The following LRRTM4 variants were observed in gnomAD, a reference collection of about 807,000 sequenced individuals.
The protein encoded by LRRTM4 is leucine rich repeat transmembrane neuronal 4, also known as leucine-rich repeat transmembrane neuronal protein 4.
In LRRTM4, 25 loss-of-function variants were observed where a neutral mutation model predicts 47.6. The ratio of observed to expected loss-of-function variants is 0.53; its 90% confidence interval spans 0.38 to 0.73. The LOEUF (loss-of-function observed/expected upper bound fraction) is 0.73, where lower values mean the gene tolerates loss of function less well. Among genes scored for constraint, LRRTM4 ranks in the 30% least tolerant of loss-of-function variants. The pLI, the probability that LRRTM4 is intolerant of heterozygous loss-of-function variation, is 0.00. For synonymous variants in LRRTM4, 311 were observed against 269.5 expected, an observed-to-expected ratio of 1.15 and a Z score of -1.51; for missense variants, 638 against 713.4, an observed-to-expected ratio of 0.89 and a Z score of 1.20.
chr2:76,819,259 G>C (rs1478712565), intron 3 of LRRTM4, among the ~76,000 whole-genome samples: 1 of 151,538 alleles, frequency 6.6e-6, no homozygotes, highest in African/African-American at 2.4e-5. Context: ...AAAAATATAT[G>C]AGACAGATGT....
intron 3 of LRRTM4, among the ~76,000 whole-genome samples, chr2:77,069,426 T>C (rs193279106): frequency 0.046 from 7,030 of 151,762 alleles, 191 homozygotes; most frequent in South Asian, 0.081. Flanking sequence ...TGTGTGTGTG[T>C]GTGTGTGTGT....
At chr2:76,836,436 C>T (rs778739069) in intron 3 of LRRTM4, among the ~76,000 whole-genome samples, 2 of 151,756 alleles carry the variant, frequency 1.3e-5, no homozygotes, top group African/African-American at 4.8e-5. Context: ...ATTTCCACTC[C>T]GGGCATTTTT....
chr2:76,921,053 C>G (rs1674418286), intron 3 of LRRTM4, among the ~76,000 whole-genome samples: 1 of 152,018 alleles, frequency 6.6e-6, no homozygotes, highest in Admixed American at 6.6e-5. Context: ...TTATTATGAA[C>G]TTAACTTTAC....
chr2:77,387,932 C>G (rs574853789), intron 3 of LRRTM4, among the ~76,000 whole-genome samples: 29 of 152,004 alleles, frequency 1.9e-4, no homozygotes, highest in African/African-American at 6.8e-4. Context: ...AAAAATTGAT[C>G]AGGATATTTA....
chr2:76,895,894 C>T (rs540604336), intron 3 of LRRTM4, among the ~76,000 whole-genome samples: 45 of 152,140 alleles, frequency 3.0e-4, no homozygotes, highest in African/African-American at 1.0e-3. Flanking sequence ...TTTTCAATAA[C>T]ATATGGGCTT....
chr2:77,322,685 C>A (rs1442816221), intron 3 of LRRTM4, among the ~76,000 whole-genome samples: 2 of 151,152 alleles, frequency 1.3e-5, no homozygotes, highest in African/African-American at 4.9e-5. Context: ...AGTAAGCGAT[C>A]CTCATCAAAC....
intron 3 of LRRTM4, among the ~76,000 whole-genome samples, chr2:77,157,992 G>A (rs900687647): frequency 5.9e-5 from 9 of 152,086 alleles, no homozygotes; most frequent in African/African-American, 1.7e-4. Flanking sequence ...TTCAAAAGGC[G>A]TCAAGTTAAC....
chr2:77,120,531 G>T lies in LRRTM4; in HGVS notation c.1552-371615C>A, dbSNP rs72807273. Among the ~76,000 whole-genome samples, 10 of 151,810 alleles carry T rather than the reference G, an allele frequency of 6.6e-5. No individual in the cohort carries two copies. The East Asian group carries it at 1.7e-3, about 26-fold the overall frequency. ...GAAATATTATAATAGTCATTTTAAA[G>T]AATTCAGAAATAAGCTACATAAGGT... On this transcript the variant is annotated intron_variant, in intron 3 of 3. Transcript: ENST00000409884.
chr2:76,846,526 T>A (rs1573203796), intron 3 of LRRTM4, among the ~76,000 whole-genome samples: 1 of 152,206 alleles, frequency 6.6e-6, no homozygotes, highest in Admixed American at 6.6e-5. Context: ...TACCCAAGTA[T>A]CATCTAGCTA....
At chr2:76,751,547 C>T (rs1456609809) in intron 3 of LRRTM4, among the ~76,000 whole-genome samples, 6 of 151,996 alleles carry the variant, frequency 3.9e-5, no homozygotes, top group Non-Finnish European at 7.4e-5. Flanking sequence ...GTGACATGGC[C>T]GAATTACTAG....
intron 3 of LRRTM4, among the ~76,000 whole-genome samples, chr2:77,036,171 G>T (rs1230125325): frequency 6.6e-6 from 1 of 151,782 alleles, no homozygotes; most frequent in East Asian, 1.9e-4. Context: ...AAGCATTATG[G>T]TGGAATGAGG....
intron 3 of LRRTM4, among the ~76,000 whole-genome samples, chr2:77,296,032 G>A (rs1195733588): frequency 6.6e-6 from 1 of 152,084 alleles, no homozygotes; most frequent in Non-Finnish European, 1.5e-5. Context: ...GCAAATATCT[G>A]AGTAGTTAAT....
intron 3 of LRRTM4, among the ~76,000 whole-genome samples, chr2:76,910,883 G>C (rs78880422): frequency 2.0e-5 from 3 of 152,034 alleles, no homozygotes; most frequent in Non-Finnish European, 4.4e-5. Context: ...TGCATTCTGC[G>C]TCTGTACTAA....
intron 3 of LRRTM4, among the ~76,000 whole-genome samples, chr2:77,225,062 T>C (rs2103957965): frequency 6.6e-6 from 1 of 151,822 alleles, no homozygotes; most frequent in Middle Eastern, 3.4e-3. Context: ...ATGCCCTTTG[T>C]AGGGACATGG....
Position 77,479,932 on chromosome 2 carries a change from T to C in LRRTM4, c.1551+38386A>G, listed in dbSNP as rs529815297. ...AAGGTTAAATGTCTAGGTAAAAATA[T>C]ATTTCAAATAATACTTTACATATGA... On this transcript the variant is annotated intron_variant, in intron 3 of 3. Coordinates refer to ENST00000409884, the MANE Select transcript of LRRTM4 (RefSeq NM_001134745.3). 1.1e-4 allele frequency among the ~76,000 whole-genome samples: 16 copies of C among 152,306 alleles called. No individual in the cohort carries two copies. In the South Asian group the frequency reaches 3.1e-3, roughly 30 times the overall value.
At chr2:77,194,703 T>G (rs1170684288) in intron 3 of LRRTM4, among the ~76,000 whole-genome samples, 1 of 152,206 alleles carries the variant, frequency 6.6e-6, no homozygotes, top group East Asian at 1.9e-4. Flanking sequence ...ACACCTCTTA[T>G]TAGCAGACTC....
rs371737082 is a variant in LRRTM4, at chr2:77,287,330, T to C, written c.1551+230988A>G. On this transcript the variant is annotated intron_variant, in intron 3 of 3. Transcript: ENST00000409884. Reference sequence around the variant, plus strand: ...GACAGTCCTAAAACAACAGGAATTATAGTAAAAATCTATTACAAATGGAGA... The same window carrying C: ...GACAGTCCTAAAACAACAGGAATTACAGTAAAAATCTATTACAAATGGAGA... 4.6e-5 allele frequency among the ~76,000 whole-genome samples: 7 copies of C among 152,200 alleles called. No homozygotes were observed. In the South Asian group the frequency reaches 1.0e-3, roughly 23 times the overall value.
chr2:77,101,074 A>T (rs1470606069), intron 3 of LRRTM4, among the ~76,000 whole-genome samples: 1 of 151,924 alleles, frequency 6.6e-6, no homozygotes, highest in East Asian at 1.9e-4. Context: ...TGACCTCGTG[A>T]TCCACCCGCC....
intron 3 of LRRTM4, among the ~76,000 whole-genome samples, chr2:77,227,099 T>G (rs1425677003): frequency 6.6e-6 from 1 of 152,064 alleles, no homozygotes; most frequent in Non-Finnish European, 1.5e-5. Flanking sequence ...TAGTTTGCAA[T>G]GGTAGTTGTT....
Sources: allele counts gnomAD v4.1 joint callset (sites outside exome capture counted in the v4.1 genomes callset), GRCh38; gene constraint gnomAD v4.1.1; transcripts MANE v1.5; gene names NCBI Gene and HGNC (gene_info 2026-07-23, HGNC 2026-07-21).